The following IGSF3 variants were observed in gnomAD, a reference collection of about 807,000 sequenced individuals.
The protein encoded by IGSF3 is glu-Trp-Ile EWI motif-containing protein 3.
Under a neutral mutation model 114.4 loss-of-function variants are expected in IGSF3, and 23 were observed. The observed-to-expected ratio is 0.20, with a 90% CI of 0.14 to 0.28. IGSF3 has a LOEUF of 0.28. IGSF3 is among the 10% of genes least tolerant of loss of function. The pLI, the probability that IGSF3 is intolerant of heterozygous loss-of-function variation, is 1.00. For missense variants in IGSF3, 1,172 were observed against 1,591.5 expected (o/e 0.74, Z 4.48); for synonymous variants, 571 against 645.2 (o/e 0.88, Z 1.74).
At position 116,584,679 on chromosome 1, in the gene IGSF3, G is replaced by A. The variant is rs201362284; in HGVS notation, c.2814C>T (p.Thr938=). The A allele has an allele frequency of 1.9e-5, 30 of 1,614,042 alleles. No individual in the cohort carries two copies. The highest frequency in any genetic ancestry group is 1.6e-4 in the Middle Eastern group (1 of 6,084). The change falls in exon 9 of 11, where the codon ACC becomes ACT. Residue 938 remains threonine, a synonymous_variant. Transcript: ENST00000369486. The surrounding 1 kb of genome is among the most constrained non-coding windows in gnomAD (Gnocchi z 5.8). ...SGMWYKRAED[T]AGQTALTVMR... ...TGACTGTCAGAGCTGTCTGCCCAGC[G>A]GTGTCCTCTGCCCGCTTATACCACA...
At position 116,667,625 on chromosome 1, in the gene IGSF3, CT is replaced by C. The variant is rs1176515650; in HGVS notation, c.-639del. The C allele has an allele frequency of 1.3e-5, 2 of 151,678 alleles. No individual in the cohort carries two copies. The highest frequency in any genetic ancestry group is 4.8e-5 in the African/African-American group (2 of 41,344). 9.4% of individuals were successfully genotyped at this position (151,678 alleles called of 1,614,324 possible). A position where few individuals can be genotyped will look rare whatever the true frequency, so the allele number is the denominator to read the frequency against. ...GCCCCCGCCGAGCCTGACCTCGCCC[CT>C]GGCCCTCTCCCTCCGCGCGCGTCGG... On this transcript the variant is annotated 5_prime_UTR_variant, in exon 1 of 11. Transcript: ENST00000369486.
rs72999999 is a variant in IGSF3, at chr1:116,634,214, T to G, written c.44-17757A>C. 6.6e-6 allele frequency among the ~76,000 whole-genome samples: 1 copy of G among 152,152 alleles called. No individual in the cohort carries two copies. Among genetic ancestry groups the G allele is most frequent in the African/African-American group, 2.4e-5 (1 of 41,414 alleles). On this transcript the variant is annotated intron_variant, in intron 2 of 10. Transcript: ENST00000369486. The surrounding 1 kb of genome is among the most constrained non-coding windows in gnomAD (Gnocchi z 4.2). ...CGAAAAACAAATGAGTAAAAACACATGCCACGACAAGGCAAAATGAGGAGA... is the reference window on the plus strand; with the variant it reads ...CGAAAAACAAATGAGTAAAAACACAGGCCACGACAAGGCAAAATGAGGAGA...
Position 116,616,236 on chromosome 1 carries a change from G to T in IGSF3, c.265C>A (p.Arg89Ser), listed in dbSNP as rs754395956. The T allele has an allele frequency of 1.2e-6, 2 of 1,613,260 alleles. No individual in the cohort carries two copies. Among genetic ancestry groups the T allele is most frequent in the Non-Finnish European group, 1.7e-6 (2 of 1,179,784 alleles). Residue 89 changes from arginine (R) to serine (S), a missense_variant, in exon 3 of 11, where the codon CGC becomes AGC. Arg to Ser is a moderately radical substitution (Grantham distance 110). Coordinates refer to ENST00000369486, the MANE Select transcript of IGSF3 (RefSeq NM_001007237.3). The surrounding 1 kb of genome is among the most constrained non-coding windows in gnomAD (Gnocchi z 6.6). ...CTTTCTATGAAGATCTTCCCTCCGCGGACGCGCTGGGTGTAGATGGCATAG... is the reference window on the plus strand; with the variant it reads ...CTTTCTATGAAGATCTTCCCTCCGCTGACGCGCTGGGTGTAGATGGCATAG... Reference protein sequence around the residue: ...FPYAIYTQRVRGGKIFIERVQ... With the variant: ...FPYAIYTQRVSGGKIFIERVQ...
intron 2 of IGSF3, among the ~76,000 whole-genome samples, chr1:116,626,291 C>G (rs543287263): frequency 6.6e-6 from 1 of 152,184 alleles, no homozygotes; most frequent in Admixed American, 6.5e-5. Context: ...TATGTAACCA[C>G]TGAAAAATAC....
In IGSF3 at chr1:116,633,287, T is replaced by A. The variant is rs180792942; in HGVS notation, c.44-16830A>T. Among the ~76,000 whole-genome samples, 1 of 152,316 alleles carries A rather than the reference T, an allele frequency of 6.6e-6. No homozygotes were observed. Among genetic ancestry groups the A allele is most frequent in the East Asian group, 1.9e-4 (1 of 5,180 alleles). Reference sequence around the variant, plus strand: ...CTCTGGGAAATCAGATCTCAGTAGGTCATCAACCATTCCAGGAAGTCCAGC... The same window carrying A: ...CTCTGGGAAATCAGATCTCAGTAGGACATCAACCATTCCAGGAAGTCCAGC... On this transcript the variant is annotated intron_variant, in intron 2 of 10. Coordinates refer to ENST00000369486, the MANE Select transcript of IGSF3 (RefSeq NM_001007237.3). The surrounding 1 kb of genome is among the most constrained non-coding windows in gnomAD (Gnocchi z 4.3).
At chr1:116,619,734 C>T (rs2336260) in intron 2 of IGSF3, among the ~76,000 whole-genome samples, 4 of 152,080 alleles carry the variant, frequency 2.6e-5, no homozygotes, top group Non-Finnish European at 5.9e-5. Context: ...CTCTCCCCTC[C>T]CAACCTACAA....
rs966102183 is a variant in IGSF3 at position 116,634,003 on chromosome 1, C to G, written c.44-17546G>C. Among the ~76,000 whole-genome samples, 3 of 152,178 alleles carry G rather than the reference C, an allele frequency of 2.0e-5. No homozygotes were observed. Among genetic ancestry groups the G allele is most frequent in the Non-Finnish European group, 4.4e-5 (3 of 68,040 alleles). On this transcript the variant is annotated intron_variant, in intron 2 of 10. Coordinates refer to ENST00000369486, the MANE Select transcript of IGSF3 (RefSeq NM_001007237.3). The surrounding 1 kb of genome is among the most constrained non-coding windows in gnomAD (Gnocchi z 4.2). ...TAAAACCAAAGCAGGAGCAAATCAG[C>G]CCTGCTAATGTGTACAGTCAGCATC...
In IGSF3 at chr1:116,589,086, C is replaced by T. The variant is rs1197277218; in HGVS notation, c.2048G>A (p.Ser683Asn). Reference protein sequence around the residue: ...VLQPVTKLQVSKSKRTLTLVE... With the variant: ...VLQPVTKLQVNKSKRTLTLVE... ...CAGGGTGAGGGTCCTCTTCGATTTG[C>T]TCACCTGCAGCTTTGTCACTGCAAA... Residue 683 changes from serine to asparagine, a missense_variant, in exon 8 of 11, where the codon AGC (serine) becomes AAC (asparagine). Transcript: ENST00000369486. The surrounding 1 kb of genome is among the most constrained non-coding windows in gnomAD (Gnocchi z 5.7). The T allele has an allele frequency of 1.9e-6, 3 of 1,613,532 alleles. No individual in the cohort carries two copies. Among genetic ancestry groups the T allele is most frequent in the East Asian group, 2.2e-5 (1 of 44,854 alleles).
intron 2 of IGSF3, among the ~76,000 whole-genome samples, chr1:116,653,817 C>T (rs534895960): frequency 1.3e-5 from 2 of 152,282 alleles, no homozygotes; most frequent in East Asian, 3.9e-4. Flanking sequence ...AGAGGGATGC[C>T]CAGCCACAGA....
chr1:116,653,887 C>T (rs1648740167), intron 2 of IGSF3, among the ~76,000 whole-genome samples: 1 of 152,254 alleles, frequency 6.6e-6, no homozygotes, highest in African/African-American at 2.4e-5. Flanking sequence ...GGCGAAAGCA[C>T]TGGGCAGCGT....
chr1:116,626,537 T>C (rs1468297262), intron 2 of IGSF3, among the ~76,000 whole-genome samples: 1 of 152,186 alleles, frequency 6.6e-6, no homozygotes, highest in East Asian at 1.9e-4. Context: ...TGCCTTCTAC[T>C]GCTTATCCTT....
rs907166358 is a variant in IGSF3 at position 116,644,614 on chromosome 1, C to G, written c.43+21670G>C. 2.0e-5 allele frequency among the ~76,000 whole-genome samples: 3 copies of G among 152,210 alleles called. No individual in the cohort carries two copies. The highest frequency in any genetic ancestry group is 4.8e-5 in the African/African-American group (2 of 41,456). Reference sequence around the variant, plus strand: ...CTGCAAGTGGGTCCCACGTCACCCACAGGTGAATCTTAATTATGAACCAAG... The same window carrying G: ...CTGCAAGTGGGTCCCACGTCACCCAGAGGTGAATCTTAATTATGAACCAAG... On this transcript the variant is annotated intron_variant, in intron 2 of 10. Transcript: ENST00000369486. This position sits in a 1 kb window ranked among gnomAD's most constrained non-coding sequence, Gnocchi z 5.6.
rs1479408096 is a variant in IGSF3, at chr1:116,584,636, G to T, written c.2848+9C>A. ...GAGGGAGTGGAAGCTTGGGGACGTG[G>T]ACCCTCACCTGGTCGCATGACTGTC... On this transcript the variant is annotated intron_variant, in intron 9 of 10. Coordinates refer to ENST00000369486, the MANE Select transcript of IGSF3 (RefSeq NM_001007237.3). This position sits in a 1 kb window ranked among gnomAD's most constrained non-coding sequence, Gnocchi z 5.8. 6.2e-7 allele frequency: 1 copy of T among 1,613,820 alleles called. No individual in the cohort carries two copies. Among genetic ancestry groups the T allele is most frequent in the Non-Finnish European group, 8.5e-7 (1 of 1,179,860 alleles).
At chr1:116,597,964 G>A (rs1353046750) in intron 7 of IGSF3, among the ~76,000 whole-genome samples, 1 of 152,206 alleles carries the variant, frequency 6.6e-6, no homozygotes, top group Non-Finnish European at 1.5e-5. Context: ...AAAGCACTAA[G>A]CAGAAACCTG....
At position 116,625,734 on chromosome 1, in the gene IGSF3, C is replaced by G. The variant is rs1292895998; in HGVS notation, c.44-9277G>C. Reference sequence around the variant, plus strand: ...AGGACAAAAATATCATTCATTCACTCTTTCATTCTTTCTCTTATCTGAATC... The same window carrying G: ...AGGACAAAAATATCATTCATTCACTGTTTCATTCTTTCTCTTATCTGAATC... On this transcript the variant is annotated intron_variant, in intron 2 of 10. Transcript: ENST00000369486. The surrounding 1 kb of genome is among the most constrained non-coding windows in gnomAD (Gnocchi z 4.7). 6.6e-6 allele frequency among the ~76,000 whole-genome samples: 1 copy of G among 152,208 alleles called. No homozygotes were observed. Among genetic ancestry groups the G allele is most frequent in the East Asian group, 1.9e-4 (1 of 5,200 alleles).
In IGSF3 at chr1:116,603,649, G is replaced by C; in HGVS notation, c.1599C>G (p.Ser533Arg). The C allele has an allele frequency of 6.2e-7, 1 of 1,613,742 alleles. No homozygotes were observed. The highest frequency in any genetic ancestry group is 8.5e-7 in the Non-Finnish European group (1 of 1,179,772). ...CAAGAGCTGTGATGGAGATGGGAGT[G>C]CTGGCCCGGCGCTCCCCAACAATCT... is the stretch of plus-strand genomic sequence containing the variant. ...EWQIVGERRA[S>R]TPISITALEM... The change falls in exon 6 of 11, where the codon AGC becomes AGG. Residue 533 changes from serine to arginine, a missense_variant. Transcript: ENST00000369486. The surrounding 1 kb of genome is among the most constrained non-coding windows in gnomAD (Gnocchi z 7.1).
chr1:116,603,050 T>C lies in IGSF3; in HGVS notation c.1624+574A>G, dbSNP rs1332884884. On this transcript the variant is annotated intron_variant, in intron 6 of 10. Transcript: ENST00000369486. This position sits in a 1 kb window ranked among gnomAD's most constrained non-coding sequence, Gnocchi z 7.1. ...CAGTTTCCTCCATAAAATGAAAGTGTCTGTCACTTGGCTAGGTGGGGATTC... is the reference window on the plus strand; with the variant it reads ...CAGTTTCCTCCATAAAATGAAAGTGCCTGTCACTTGGCTAGGTGGGGATTC... Among the ~76,000 whole-genome samples, 5 of 152,238 alleles carry C rather than the reference T, an allele frequency of 3.3e-5. No homozygotes were observed. Among genetic ancestry groups the C allele is most frequent in the African/African-American group, 1.2e-4 (5 of 41,456 alleles).
rs574124999 is a variant in IGSF3, at chr1:116,624,104, A to G, written c.44-7647T>C. On this transcript the variant is annotated intron_variant, in intron 2 of 10. Transcript: ENST00000369486. This position sits in a 1 kb window ranked among gnomAD's most constrained non-coding sequence, Gnocchi z 4.9. ...TCTATCTAAAAAAAAAACAAAAAAA[A>G]GGTCCCTGAGGATCCCTCGAGCCTG... is the stretch of plus-strand genomic sequence containing the variant. Among the ~76,000 whole-genome samples, 19 of 151,734 alleles carry G rather than the reference A, an allele frequency of 1.3e-4. No homozygotes were observed. Among genetic ancestry groups the G allele is most frequent in the African/African-American group, 4.4e-4 (18 of 41,318 alleles).
chr1:116,643,497 T>C (rs920653219), intron 2 of IGSF3, among the ~76,000 whole-genome samples: 1 of 152,264 alleles, frequency 6.6e-6, no homozygotes, highest in Non-Finnish European at 1.5e-5. Flanking sequence ...GTACATTTAT[T>C]ACTGTCAGCC....
Sources: allele counts gnomAD v4.1 joint callset (sites outside exome capture counted in the v4.1 genomes callset), GRCh38; gene constraint gnomAD v4.1.1; non-coding constraint Gnocchi (gnomAD v3.1); transcripts MANE v1.5; gene names NCBI Gene and HGNC (gene_info 2026-07-23, HGNC 2026-07-21).